The following BMPER variants were observed in gnomAD, a reference collection of about 807,000 sequenced individuals.
The protein encoded by BMPER is BMP binding endothelial regulator, also known as BMP-binding endothelial regulator protein.
A neutral mutation model predicts 87.3 loss-of-function variants in BMPER; 45 were observed. That is an observed-to-expected ratio of 0.52 (90% CI 0.41 to 0.66). BMPER has a LOEUF of 0.66. Among genes scored for constraint, BMPER ranks in the 30% least tolerant of loss-of-function variants. The pLI, the probability that BMPER is intolerant of heterozygous loss-of-function variation, is 0.00. For missense variants in BMPER, 784 were observed against 867.5 expected (o/e 0.90, Z 1.21); for synonymous variants, 326 against 316.2 (o/e 1.03, Z -0.33).
intron 13 of BMPER, among the ~76,000 whole-genome samples, chr7:34,103,441 A>G (rs1789735930): frequency 6.6e-6 from 1 of 152,114 alleles, no homozygotes; most frequent in African/African-American, 2.4e-5. Context: ...GGAGCGATAC[A>G]TTACCCCTCT....
chr7:33,946,762 A>G lies in BMPER; in HGVS notation c.319+9374A>G, dbSNP rs1585666415. 2.0e-5 allele frequency among the ~76,000 whole-genome samples: 3 copies of G among 152,212 alleles called. No individual in the cohort carries two copies. In the East Asian group the frequency reaches 5.8e-4, roughly 29 times the overall value. On this transcript the variant is annotated intron_variant, in intron 3 of 14. Coordinates refer to ENST00000649409, the MANE Select transcript of BMPER (RefSeq NM_001365308.1). ...TGAAAAGGCAATGGTAGGAGAGTAC[A>G]TCTGCTTAAGGACAGAAATATGAAA...
At position 34,016,802 on chromosome 7, in the gene BMPER, C is replaced by CT. The variant is rs201360958; in HGVS notation, c.577-29496dup. ...AACCCATTTTTCCAACAGAAAAAAC[C>CT]TTTTTTTTGTGGGGGTGGAAGCAAT... On this transcript the variant is annotated intron_variant, in intron 6 of 14. Coordinates refer to ENST00000649409, the MANE Select transcript of BMPER (RefSeq NM_001365308.1). Among the ~76,000 whole-genome samples the CT allele has an allele frequency of 3.0e-3, 460 of 151,604 alleles. 5 individuals carry two copies. The highest frequency in any genetic ancestry group is 9.3e-3 in the African/African-American group (384 of 41,350).
At chr7:33,978,120 A>T (rs751975628) in intron 6 of BMPER, among the ~76,000 whole-genome samples, 2 of 152,190 alleles carry the variant, frequency 1.3e-5, no homozygotes, top group African/African-American at 4.8e-5. Context: ...CTCTGCTCTC[A>T]TGAATGGCCA....
At chr7:34,103,742 G>A (rs556056722) in intron 13 of BMPER, among the ~76,000 whole-genome samples, 2 of 152,254 alleles carry the variant, frequency 1.3e-5, no homozygotes, top group East Asian at 3.9e-4. Context: ...GTAGCATCAG[G>A]GGAGCATGTT....
intron 6 of BMPER, among the ~76,000 whole-genome samples, chr7:34,028,599 C>CTTTTTTTTTTTT (rs1787425304): frequency 8.5e-5 from 1 of 11,720 alleles, no homozygotes; most frequent in Non-Finnish European, 2.0e-4. Context: ...ATCATTTTTT[C>CTTTTTTTTTTTT]TGTTTTTTTT....
intron 11 of BMPER, among the ~76,000 whole-genome samples, chr7:34,066,156 C>G (rs373091059): frequency 1.9e-3 from 282 of 152,274 alleles, no homozygotes; most frequent in African/African-American, 6.6e-3. Flanking sequence ...TGAAGTGCAT[C>G]TATAGAACAT....
intron 11 of BMPER, among the ~76,000 whole-genome samples, chr7:34,070,816 C>CT (rs60588204): frequency 0.02 from 2,375 of 119,462 alleles, 44 homozygotes; most frequent in African/African-American, 0.034. Context: ...AGCGGCAGAG[C>CT]TTTTTTTTTT....
At chr7:34,027,279 C>T (rs1312398546) in intron 6 of BMPER, among the ~76,000 whole-genome samples, 1 of 152,058 alleles carries the variant, frequency 6.6e-6, no homozygotes, top group Non-Finnish European at 1.5e-5. Context: ...TGACTATGTT[C>T]ACATTTGCTC....
At position 34,086,312 on chromosome 7, in the gene BMPER, G is replaced by A. The variant is rs11976864; in HGVS notation, c.1745+220G>A. 0.021 allele frequency among the ~76,000 whole-genome samples: 3,244 copies of A among 152,276 alleles called. 126 individuals carry two copies. The highest frequency in any genetic ancestry group is 0.075 in the African/African-American group (3,100 of 41,548). ...AGTATTTCAGAGCGATGTCCTCCAG[G>A]CAATTCCATGCTTTTATAGGTCTGC... On this transcript the variant is annotated intron_variant, in intron 13 of 14. Coordinates refer to ENST00000649409, the MANE Select transcript of BMPER (RefSeq NM_001365308.1).
intron 14 of BMPER, among the ~76,000 whole-genome samples, chr7:34,145,593 G>C (rs1790996209): frequency 6.6e-6 from 1 of 152,106 alleles, no homozygotes; most frequent in South Asian, 2.1e-4. Context: ...AATACTCCTA[G>C]CTCCCTCTAT....
At chr7:34,088,054 C>G (rs1038285014) in intron 13 of BMPER, among the ~76,000 whole-genome samples, 1 of 152,204 alleles carries the variant, frequency 6.6e-6, no homozygotes, top group South Asian at 2.1e-4. Context: ...CTTAATGATT[C>G]TACAGCATCT....
At chr7:34,151,775 A>G (rs565826344) in intron 14 of BMPER, among the ~76,000 whole-genome samples, 6 of 152,326 alleles carry the variant, frequency 3.9e-5, no homozygotes, top group Admixed American at 2.0e-4. Flanking sequence ...CTATGAATCT[A>G]TACAGAAAAA....
At chr7:34,014,601 G>T (rs1431925540) in intron 6 of BMPER, among the ~76,000 whole-genome samples, 2 of 151,902 alleles carry the variant, frequency 1.3e-5, no homozygotes, top group Non-Finnish European at 2.9e-5. Context: ...CAGGACCGTG[G>T]AGTGTGGAAT....
intron 13 of BMPER, among the ~76,000 whole-genome samples, chr7:34,129,618 G>GAGAGAGAA (rs1233951057): frequency 6.1e-4 from 32 of 52,426 alleles, no homozygotes; most frequent in African/African-American, 2.2e-3. Flanking sequence ...GAAAGAGAGA[G>GAGAGAGAA]AGAGAGAAAG....
At chr7:34,111,516 A>G (rs1041577612) in intron 13 of BMPER, among the ~76,000 whole-genome samples, 22 of 152,210 alleles carry the variant, frequency 1.4e-4, no homozygotes, top group Non-Finnish European at 2.8e-4. Context: ...TTTGGGAATA[A>G]TCAGGTGGAG....
intron 3 of BMPER, among the ~76,000 whole-genome samples, chr7:33,958,984 T>G (rs1420243855): frequency 1.3e-5 from 2 of 152,174 alleles, no homozygotes; most frequent in Non-Finnish European, 2.9e-5. Flanking sequence ...ACGCTGGTTT[T>G]ATAAAGAGGA....
chr7:34,034,444 C>A (rs1365180900), intron 6 of BMPER, among the ~76,000 whole-genome samples: 2 of 152,160 alleles, frequency 1.3e-5, no homozygotes, highest in Non-Finnish European at 2.9e-5. Flanking sequence ...CCATGTCTGT[C>A]TGCTGTTGTG....
chr7:34,007,098 A>G (rs1235330522), intron 6 of BMPER, among the ~76,000 whole-genome samples: 1 of 152,102 alleles, frequency 6.6e-6, no homozygotes, highest in Admixed American at 6.6e-5. Flanking sequence ...TAACTAATTC[A>G]ATTGATTCCT....
At chr7:34,021,983 C>T (rs567429727) in intron 6 of BMPER, among the ~76,000 whole-genome samples, 1 of 152,090 alleles carries the variant, frequency 6.6e-6, no homozygotes, top group East Asian at 1.9e-4. Flanking sequence ...GTTCCAGTGA[C>T]CAACAAGTAG....
Sources: gnomAD v4.1 joint callset for allele counts (sites outside exome capture counted in the v4.1 genomes callset) on GRCh38, gnomAD v4.1.1 for gene constraint, MANE v1.5 for transcripts, NCBI Gene and HGNC (gene_info 2026-07-23, HGNC 2026-07-21) for gene names.